The following TRPC4 variants were observed in gnomAD, a reference collection of about 807,000 sequenced individuals.
TRPC4 encodes the protein short transient receptor potential channel 4.
In TRPC4, 49 loss-of-function variants were observed where a neutral mutation model predicts 99.4. The ratio of observed to expected loss-of-function variants is 0.49; its 90% CI spans 0.39 to 0.63. The LOEUF (loss-of-function observed/expected upper bound fraction) is 0.63, where lower values mean the gene tolerates loss of function less well. TRPC4 is among the 20% of genes least tolerant of loss of function. The pLI is 0.00. For missense variants in TRPC4, 898 were observed against 1,152.9 expected (o/e 0.78, Z 3.20); for synonymous variants, 454 against 425.9 (o/e 1.07, Z -0.81).
chr13:37,804,386 G>T (rs139704441), intron 1 of TRPC4, among the ~76,000 whole-genome samples: 1 of 151,994 alleles, frequency 6.6e-6, no homozygotes, highest in Non-Finnish European at 1.5e-5. Context: ...GCAATCTGGC[G>T]CCAGACTCCA....
At chr13:37,865,594 A>G (rs182004257) in intron 1 of TRPC4, among the ~76,000 whole-genome samples, 2 of 151,912 alleles carry the variant, frequency 1.3e-5, no homozygotes, top group Admixed American at 1.3e-4. Flanking sequence ...TTCAAATTCT[A>G]TCCCCATGAT....
chr13:37,864,970 T>C (rs1190785985), intron 1 of TRPC4, among the ~76,000 whole-genome samples: 2 of 151,838 alleles, frequency 1.3e-5, no homozygotes, highest in Non-Finnish European at 3.0e-5. Context: ...CATTTACTAA[T>C]ATTCAACAAA....
chr13:37,783,393 T>C (rs1200283307), intron 1 of TRPC4, 33 bp from the exon 2 acceptor site: 1 of 1,471,326 alleles, frequency 6.8e-7, no homozygotes, highest in East Asian at 2.3e-5. Flanking sequence ...CAAAGATTAG[T>C]GTTAATATGC....
chr13:37,647,746 T>G (rs1951894746), intron 8 of TRPC4, among the ~76,000 whole-genome samples: 1 of 152,232 alleles, frequency 6.6e-6, no homozygotes, highest in Admixed American at 6.5e-5. Context: ...CACTGTTCCT[T>G]AAATGTCACC....
At chr13:37,679,900 A>G (rs1237340272) in intron 4 of TRPC4, among the ~76,000 whole-genome samples, 1 of 152,188 alleles carries the variant, frequency 6.6e-6, no homozygotes, top group Non-Finnish European at 1.5e-5. Flanking sequence ...TCCAGTGCGA[A>G]AAAATGCTTG....
At chr13:37,745,507 T>C (rs1196445081) in intron 3 of TRPC4, among the ~76,000 whole-genome samples, 1 of 128,642 alleles carries the variant, frequency 7.8e-6, no homozygotes, top group East Asian at 2.3e-4. Flanking sequence ...TACGTATATA[T>C]GTATATATAT....
chr13:37,734,505 T>C (rs1047825027), intron 3 of TRPC4, among the ~76,000 whole-genome samples: 11 of 152,146 alleles, frequency 7.2e-5, no homozygotes, highest in African/African-American at 2.7e-4. Flanking sequence ...ATGTGCTCTC[T>C]GTCTTAGCTG....
intron 1 of TRPC4, among the ~76,000 whole-genome samples, chr13:37,848,942 C>A (rs1192453846): frequency 6.6e-6 from 1 of 152,140 alleles, no homozygotes; most frequent in Non-Finnish European, 1.5e-5. Context: ...TCAAAACTAT[C>A]TTGAGTATAG....
intron 8 of TRPC4, among the ~76,000 whole-genome samples, chr13:37,643,841 C>G (rs1386199810): frequency 6.6e-6 from 1 of 152,122 alleles, no homozygotes; most frequent in Non-Finnish European, 1.5e-5. Context: ...GACTTCCTAG[C>G]TTCTGGTGGT....
intron 1 of TRPC4, among the ~76,000 whole-genome samples, chr13:37,825,040 A>G (rs1249206204): frequency 6.6e-6 from 1 of 151,026 alleles, no homozygotes; most frequent in Non-Finnish European, 1.5e-5. Flanking sequence ...TTTCTTCTAG[A>G]TTTTCTAGTT....
chr13:37,745,458 A>ATATATATATATATGCGTG (rs1555265724), intron 3 of TRPC4, among the ~76,000 whole-genome samples: 529 of 6,528 alleles, frequency 0.081, 10 homozygotes, highest in Middle Eastern at 0.21. Flanking sequence ...ATATATATAT[A>ATATATATATATATGCGTG]TATATATATA....
At chr13:37,771,687 A>G (rs1309222365) in intron 2 of TRPC4, among the ~76,000 whole-genome samples, 1 of 151,676 alleles carries the variant, frequency 6.6e-6, no homozygotes, top group East Asian at 2.0e-4. Flanking sequence ...ACCATCAGCA[A>G]GTCTTTGTGG....
At chr13:37,701,882 T>G (rs547019559) in intron 3 of TRPC4, among the ~76,000 whole-genome samples, 4 of 152,320 alleles carry the variant, frequency 2.6e-5, no homozygotes, top group Non-Finnish European at 5.9e-5. Context: ...TAAAATTTAT[T>G]TGCTCATTGT....
chr13:37,744,889 A>G (rs927708691), intron 3 of TRPC4, among the ~76,000 whole-genome samples: 1 of 152,152 alleles, frequency 6.6e-6, no homozygotes, highest in Non-Finnish European at 1.5e-5. Flanking sequence ...AAGGGTAAGA[A>G]GTATGAGATT....
At chr13:37,773,176 T>C (rs1956601957) in intron 2 of TRPC4, among the ~76,000 whole-genome samples, 1 of 151,740 alleles carries the variant, frequency 6.6e-6, no homozygotes, top group Admixed American at 6.6e-5. Context: ...GGCCAAGTTT[T>C]ACTTCTAGAC....
chr13:37,673,646 C>T (rs1233122125), intron 5 of TRPC4, among the ~76,000 whole-genome samples: 2 of 151,936 alleles, frequency 1.3e-5, no homozygotes, highest in African/African-American at 4.8e-5. Flanking sequence ...ATGTTTTATG[C>T]AAATTATGAG....
chr13:37,716,999 G>C (rs966061049), intron 3 of TRPC4, among the ~76,000 whole-genome samples: 1 of 152,030 alleles, frequency 6.6e-6, no homozygotes, highest in African/African-American at 2.4e-5. Flanking sequence ...CACACTCTTT[G>C]ATCTGGCGAC....
At chr13:37,759,173 A>T (rs1248835983) in intron 2 of TRPC4, among the ~76,000 whole-genome samples, 1 of 151,794 alleles carries the variant, frequency 6.6e-6, no homozygotes, top group Non-Finnish European at 1.5e-5. Flanking sequence ...ATTTTTATTT[A>T]TTTGAAAAAG....
At chr13:37,791,861 G>C (rs1174431305) in intron 1 of TRPC4, among the ~76,000 whole-genome samples, 1 of 152,128 alleles carries the variant, frequency 6.6e-6, no homozygotes, top group East Asian at 1.9e-4. Flanking sequence ...AAAATTTTGA[G>C]GCAGGAGGAA....
Sources: gnomAD v4.1 joint callset for allele counts (sites outside exome capture counted in the v4.1 genomes callset) on GRCh38, gnomAD v4.1.1 for gene constraint, MANE v1.5 for transcripts, NCBI Gene and HGNC (gene_info 2026-07-23, HGNC 2026-07-21) for gene names.